The following TNFRSF8 variants were observed in gnomAD, a reference collection of about 807,000 sequenced individuals.
TNFRSF8 encodes the protein tumor necrosis factor receptor superfamily member 8.
A neutral mutation model predicts 70.8 loss-of-function variants in TNFRSF8; 26 were observed. The observed-to-expected ratio is 0.37, with a 90% CI of 0.27 to 0.51. The LOEUF (loss-of-function observed/expected upper bound fraction) is 0.51. Ranked by LOEUF, TNFRSF8 falls within the 20% of genes least tolerant of loss-of-function variation. The probability of loss-of-function intolerance (pLI) is 0.94; values close to 1 mark genes in which losing one functional copy is unlikely to be tolerated. For missense variants in TNFRSF8, 720 were observed against 807.9 expected (o/e 0.89, Z 1.32); for synonymous variants, 356 against 339.2 (o/e 1.05, Z -0.54).
rs963425741 is a variant in TNFRSF8, at chr1:12,144,021, C to T, written c.*1490C>T. 1 of 152,254 alleles carries T rather than the reference C, an allele frequency of 6.6e-6. No homozygotes were observed. Among genetic ancestry groups the T allele is most frequent in the African/African-American group, 2.4e-5 (1 of 41,468 alleles). 9.4% of individuals were successfully genotyped at this position (152,254 alleles called of 1,614,324 possible). A position where few individuals can be genotyped will look rare whatever the true frequency, so the allele number is the denominator to read the frequency against. ...GTTTGTGCAAGGATGGAGTGGGTGT[C>T]TCTGCATCACCCACAGCCGCAGCTG... On this transcript the variant is annotated 3_prime_UTR_variant, in exon 15 of 15. Transcript: ENST00000263932.
chr1:12,092,808 T>C (rs566029471), intron 2 of TNFRSF8, among the ~76,000 whole-genome samples: 17 of 146,522 alleles, frequency 1.2e-4, no homozygotes, highest in Admixed American at 4.1e-4. Context: ...GCGCCCGACC[T>C]CTTTTTATTT....
Position 12,142,260 on chromosome 1 carries a change from T to G in TNFRSF8, c.1544-27T>G. On this transcript the variant is annotated intron_variant, in intron 14 of 14. Coordinates refer to ENST00000263932, the MANE Select transcript of TNFRSF8 (RefSeq NM_001243.5). The surrounding 1 kb of genome is among the most constrained non-coding windows in gnomAD (Gnocchi z 5.0). ...ATCCTGGCTGGTGCTCTGGCCTCCC[T>G]CGCTCACCCATCCTTTTGCCTTGCA... 1 of 1,547,698 alleles carries G rather than the reference T, an allele frequency of 6.5e-7. No individual in the cohort carries two copies. Among genetic ancestry groups the G allele is most frequent in the African/African-American group, 1.4e-5 (1 of 73,984 alleles).
chr1:12,127,959 C>T (rs1199612773), intron 12 of TNFRSF8, among the ~76,000 whole-genome samples: 1 of 152,202 alleles, frequency 6.6e-6, no homozygotes, highest in African/African-American at 2.4e-5. Flanking sequence ...GACCCTCTAG[C>T]TTCTGGTGGG....
intron 11 of TNFRSF8, 46 bp from the exon 12 acceptor site, chr1:12,126,137 C>T (rs1175663058): frequency 1.9e-6 from 3 of 1,613,804 alleles, no homozygotes; most frequent in Non-Finnish European, 2.5e-6. Flanking sequence ...CCTGCTCCTG[C>T]TCTCTGAGGC....
In TNFRSF8 at chr1:12,109,670, T is replaced by A. The variant is rs1258087338; in HGVS notation, c.512+14T>A. ...GGAACCCTCCAGGTGACTCCCTGGC[T>A]TTGCCTCCTCCTCTTCCCCCAAGCT... On this transcript the variant is annotated intron_variant, in intron 5 of 14. Transcript: ENST00000263932. The surrounding 1 kb of genome is among the most constrained non-coding windows in gnomAD (Gnocchi z 4.4). 1.9e-6 allele frequency: 3 copies of A among 1,609,162 alleles called. No homozygotes were observed. The highest frequency in any genetic ancestry group is 2.6e-6 in the Non-Finnish European group (3 of 1,176,158).
intron 2 of TNFRSF8, among the ~76,000 whole-genome samples, chr1:12,092,303 C>T (rs1031557591): frequency 8.6e-5 from 13 of 151,870 alleles, no homozygotes; most frequent in Non-Finnish European, 1.8e-4. Context: ...CTCAGCCTTT[C>T]TGAGTAGCTA....
chr1:12,138,331 C>T lies in TNFRSF8; in HGVS notation c.1438C>T (p.Leu480=). Residue 480 remains leucine (L), a synonymous_variant, in exon 14 of 15, where the codon CTG becomes TTG. Transcript: ENST00000263932. The surrounding 1 kb of genome is among the most constrained non-coding windows in gnomAD (Gnocchi z 5.7). The part of the protein sequence containing the change: ...ETCHSVGAAY[L]ESLPLQDASP... ...CTGCCACAGCGTGGGGGCAGCCTACCTGGAGAGCCTGCCGCTGCAGGATGC... is the reference window on the plus strand; with the variant it reads ...CTGCCACAGCGTGGGGGCAGCCTACTTGGAGAGCCTGCCGCTGCAGGATGC... 3 of 1,613,742 alleles carry T rather than the reference C, an allele frequency of 1.9e-6. No individual in the cohort carries two copies. Among genetic ancestry groups the T allele is most frequent in the Non-Finnish European group, 2.5e-6 (3 of 1,179,952 alleles).
In TNFRSF8 at chr1:12,138,361, C is replaced by T. The variant is rs746991228; in HGVS notation, c.1468C>T (p.Pro490Ser). The T allele has an allele frequency of 1.2e-6, 2 of 1,613,696 alleles. No individual in the cohort carries two copies. Among genetic ancestry groups the T allele is most frequent in the Non-Finnish European group, 1.7e-6 (2 of 1,179,898 alleles). The change falls in exon 14 of 15, where the codon CCG becomes TCG. Residue 490 changes from proline (P) to serine (S), a missense_variant. Transcript: ENST00000263932. The surrounding 1 kb of genome is among the most constrained non-coding windows in gnomAD (Gnocchi z 5.7). ...GAGCCTGCCGCTGCAGGATGCCAGC[C>T]CGGCCGGGGGCCCCTCGTCCCCCAG... is the stretch of plus-strand genomic sequence containing the variant. ...LESLPLQDAS[P>S]AGGPSSPRDL...
At chr1:12,077,106 G>A (rs979077059) in intron 1 of TNFRSF8, among the ~76,000 whole-genome samples, 6 of 151,976 alleles carry the variant, frequency 3.9e-5, no homozygotes, top group South Asian at 4.2e-4. Flanking sequence ...TTGTAGAGAC[G>A]GGTTTTTCTC....
At chr1:12,067,895 C>CGG (rs1310915654) in intron 1 of TNFRSF8, among the ~76,000 whole-genome samples, 67 of 12,152 alleles carry the variant, frequency 5.5e-3, no homozygotes, top group Admixed American at 0.02. Context: ...GCAAGGACGG[C>CGG]GGGGGGGCGG....
intron 1 of TNFRSF8, 145 bp from the exon 2 acceptor site, chr1:12,084,319 G>A: frequency 1.4e-6 from 1 of 735,580 alleles, no homozygotes; most frequent in South Asian, 1.7e-5. Context: ...TAAGGGCGGT[G>A]TGGGTTTGTG....
intron 12 of TNFRSF8, among the ~76,000 whole-genome samples, chr1:12,130,410 T>C (rs1263118224): frequency 6.6e-6 from 1 of 152,186 alleles, no homozygotes; most frequent in Non-Finnish European, 1.5e-5. Flanking sequence ...GCACGTCCCT[T>C]ATTCTGAGAT....
chr1:12,126,547 CA>C (rs1641944160), intron 12 of TNFRSF8, among the ~76,000 whole-genome samples: 1 of 152,110 alleles, frequency 6.6e-6, no homozygotes, highest in African/African-American at 2.4e-5. Flanking sequence ...CCAGTACCCC[CA>C]GGGGGCATTC....
chr1:12,082,559 AAAAAC>A (rs2100965073), intron 1 of TNFRSF8, among the ~76,000 whole-genome samples: 4 of 150,952 alleles, frequency 2.6e-5, no homozygotes, highest in African/African-American at 4.9e-5. Flanking sequence ...CAAAAAAAAA[AAAAAC>A]AAAAACAAAA....
At chr1:12,125,032 A>G (rs1570066892) in intron 10 of TNFRSF8, among the ~76,000 whole-genome samples, 1 of 152,144 alleles carries the variant, frequency 6.6e-6, no homozygotes, top group Non-Finnish European at 1.5e-5. Context: ...ACCGGCTGGG[A>G]ACTTGTTAGG....
chr1:12,072,444 G>A (rs998369428), intron 1 of TNFRSF8, among the ~76,000 whole-genome samples: 3 of 152,076 alleles, frequency 2.0e-5, no homozygotes, highest in African/African-American at 7.2e-5. Flanking sequence ...GGGTCAGTAG[G>A]GGAAGGAGCC....
At chr1:12,083,097 A>G (rs1641093371) in intron 1 of TNFRSF8, among the ~76,000 whole-genome samples, 2 of 152,178 alleles carry the variant, frequency 1.3e-5, no homozygotes, top group South Asian at 4.2e-4. Flanking sequence ...GCAAATAAAA[A>G]CCACAATGAG....
rs1642306395 is a variant in TNFRSF8, at chr1:12,143,784, G to A, written c.*1253G>A. On this transcript the variant is annotated 3_prime_UTR_variant, in exon 15 of 15. Transcript: ENST00000263932. The surrounding 1 kb of genome is among the most constrained non-coding windows in gnomAD (Gnocchi z 4.1). The stretch of plus-strand genomic sequence containing the variant: ...GTCTTGGAGTTGCGGGCAGCCTGGA[G>A]ACTCGTGGACTTACCGCCTGGAGGC... The A allele has an allele frequency of 6.6e-6, 1 of 152,240 alleles. No individual in the cohort carries two copies. The highest frequency in any genetic ancestry group is 1.5e-5 in the Non-Finnish European group (1 of 68,064). The allele number at this position is 152,240 out of a possible 1,614,324, so 9.4% of individuals were successfully genotyped here. A position where few individuals can be genotyped will look rare whatever the true frequency, so the allele number is the denominator to read the frequency against.
Position 12,109,489 on chromosome 1 carries a change from G to A in TNFRSF8, c.422-77G>A. 2 of 1,233,562 alleles carry A rather than the reference G, an allele frequency of 1.6e-6. No individual in the cohort carries two copies. Among genetic ancestry groups the A allele is most frequent in the South Asian group, 1.3e-5 (1 of 76,942 alleles). The allele number at this position is 1,233,562 out of a possible 1,614,324, so 76.4% of individuals were successfully genotyped here. ...AGGGCCCCATCTCCGACTCTGGCCT[G>A]TGGTAGTGAAGGGTGTATTCCGGGA... On this transcript the variant is annotated intron_variant, in intron 4 of 14. Transcript: ENST00000263932. This position sits in a 1 kb window ranked among gnomAD's most constrained non-coding sequence, Gnocchi z 4.4.
Sources: gnomAD v4.1 joint callset for allele counts (sites outside exome capture counted in the v4.1 genomes callset) on GRCh38, gnomAD v4.1.1 for gene constraint, Gnocchi (gnomAD v3.1) non-coding constraint, MANE v1.5 for transcripts, NCBI Gene and HGNC (gene_info 2026-07-23, HGNC 2026-07-21) for gene names.